FOXP2: variants seen among roughly 807,000 people sequenced by gnomAD.
The protein encoded by FOXP2 is forkhead box protein P2.
FOXP2 carries 12 observed loss-of-function variants against 115.8 expected under a neutral mutation model. That is an observed-to-expected ratio of 0.10 (90% CI 0.07 to 0.17). The LOEUF (loss-of-function observed/expected upper bound fraction) is 0.17, where lower values mean the gene tolerates loss of function less well. Ranked by LOEUF, FOXP2 falls within the 10% of genes least tolerant of loss-of-function variation. The pLI is 1.00. For synonymous variants in FOXP2, 328 were observed against 297.7 expected, an observed-to-expected ratio of 1.10 and a Z score of -1.05; for missense variants, 629 against 843.5, an observed-to-expected ratio of 0.75 and a Z score of 3.15.
At chr7:114,598,522 T>C (rs1802844739) in intron 3 of FOXP2, among the ~76,000 whole-genome samples, 1 of 152,130 alleles carries the variant, frequency 6.6e-6, no homozygotes, top group Non-Finnish European at 1.5e-5. Context: ...TTGATTTTTT[T>C]TTCTATGTTA....
intron 1 of FOXP2, among the ~76,000 whole-genome samples, chr7:114,128,659 T>A (rs532412744): frequency 1.4e-4 from 22 of 152,142 alleles, no homozygotes; most frequent in Non-Finnish European, 2.8e-4. Context: ...ATTTAGTCTC[T>A]TATCTTTATG....
chr7:114,158,162 A>G (rs899131125), upstream of FOXP2, among the ~76,000 whole-genome samples: 1 of 152,090 alleles, frequency 6.6e-6, no homozygotes, highest in African/African-American at 2.4e-5. Context: ...AATAGCAAAT[A>G]TTTTGTCAAA....
At chr7:114,357,707 A>G (rs1791649059) in intron 2 of FOXP2, among the ~76,000 whole-genome samples, 2 of 152,264 alleles carry the variant, frequency 1.3e-5, no homozygotes, top group East Asian at 1.9e-4. Flanking sequence ...ATTAGTTGTC[A>G]AATACTTTAA....
intron 1 of FOXP2, among the ~76,000 whole-genome samples, chr7:114,204,665 G>A (rs2129160311): frequency 6.6e-6 from 1 of 152,202 alleles, no homozygotes; most frequent in South Asian, 2.1e-4. Flanking sequence ...CAATATTCTT[G>A]CCTATCAAAA....
chr7:114,682,616 C>A (rs1808148098), intron 16 of FOXP2, among the ~76,000 whole-genome samples: 1 of 152,032 alleles, frequency 6.6e-6, no homozygotes, highest in African/African-American at 2.4e-5. Flanking sequence ...TCCACTTTTT[C>A]TTTTGGAAAT....
intron 1 of FOXP2, among the ~76,000 whole-genome samples, chr7:114,147,841 AGATTGG>A (rs1351536658): frequency 6.6e-6 from 1 of 152,162 alleles, no homozygotes; most frequent in Non-Finnish European, 1.5e-5. Context: ...GTGGAAACCC[AGATTGG>A]GAAGGGGAGG....
chr7:114,616,127 G>T (rs979237578), intron 3 of FOXP2, among the ~76,000 whole-genome samples: 1 of 151,934 alleles, frequency 6.6e-6, no homozygotes, highest in Non-Finnish European at 1.5e-5. Context: ...TATGTATCTT[G>T]AACACAACAG....
At chr7:114,317,294 T>C (rs79910706) in intron 2 of FOXP2, among the ~76,000 whole-genome samples, 5,911 of 152,230 alleles carry the variant, frequency 0.039, 278 homozygotes, top group African/African-American at 0.12. Flanking sequence ...AGTGGATATG[T>C]TTGAATATAA....
intron 3 of FOXP2, among the ~76,000 whole-genome samples, chr7:114,626,995 A>G (rs747724918): frequency 1.2e-4 from 18 of 151,950 alleles, no homozygotes; most frequent in Admixed American, 5.2e-4. Context: ...TAATGTTTCA[A>G]GTTACTCAAT....
intron 10 of FOXP2, among the ~76,000 whole-genome samples, chr7:114,655,720 A>G (rs1806550891): frequency 6.6e-6 from 1 of 152,192 alleles, no homozygotes; most frequent in African/African-American, 2.4e-5. Context: ...ATAAATATTA[A>G]TAGCATGAAT....
rs1807005996 is a variant in FOXP2, at chr7:114,663,623, T to A, written c.1839+104T>A. The A allele has an allele frequency of 3.3e-6, 3 of 897,350 alleles. No individual in the cohort carries two copies. The African/African-American group carries it at 5.0e-5, about 15-fold the overall frequency. 55.6% of individuals were successfully genotyped at this position (897,350 alleles called of 1,614,324 possible). On this transcript the variant is annotated intron_variant, in intron 15 of 16. Coordinates refer to ENST00000350908, the MANE Select transcript of FOXP2 (RefSeq NM_014491.4). ...TGAGATTGTGATTGTTCTTAATAGT[T>A]GGTTTATCATCCAAGTTGTAGTACC...
chr7:114,401,673 T>A (rs1161709776), intron 2 of FOXP2, among the ~76,000 whole-genome samples: 1 of 152,216 alleles, frequency 6.6e-6, no homozygotes, highest in African/African-American at 2.4e-5. Context: ...CTCTCTATAC[T>A]GTGCTGATCT....
At chr7:114,586,275 G>A (rs1802125232) in intron 3 of FOXP2, among the ~76,000 whole-genome samples, 2 of 152,154 alleles carry the variant, frequency 1.3e-5, no homozygotes, top group South Asian at 4.1e-4. Context: ...TGGAGATTAA[G>A]TTTTATACTT....
intron 1 of FOXP2, among the ~76,000 whole-genome samples, chr7:114,130,900 T>G (rs1791856540): frequency 6.6e-6 from 1 of 152,196 alleles, no homozygotes; most frequent in Non-Finnish European, 1.5e-5. Context: ...TCTACTACAT[T>G]TTATCATAAT....
chr7:114,286,051 C>A (rs1032290214), intron 1 of FOXP2, among the ~76,000 whole-genome samples: 1 of 151,698 alleles, frequency 6.6e-6, no homozygotes, highest in Non-Finnish European at 1.5e-5. Context: ...TTAATAACTT[C>A]TTTAATCTCT....
intron 2 of FOXP2, among the ~76,000 whole-genome samples, chr7:114,471,460 T>C (rs1332195524): frequency 6.6e-6 from 1 of 152,208 alleles, no homozygotes; most frequent in African/African-American, 2.4e-5. Flanking sequence ...GTCCATCTAT[T>C]TTTTAAGTCT....
intron 2 of FOXP2, among the ~76,000 whole-genome samples, chr7:114,382,793 G>A (rs1050808113): frequency 3.9e-5 from 6 of 152,172 alleles, no homozygotes; most frequent in Admixed American, 2.6e-4. Context: ...GTAGAGTCAG[G>A]TGACAGGGAG....
intron 2 of FOXP2, among the ~76,000 whole-genome samples, chr7:114,476,683 G>A (rs997147499): frequency 4.6e-5 from 7 of 151,902 alleles, no homozygotes; most frequent in Admixed American, 2.0e-4. Context: ...GATAGGAATA[G>A]TGTTGAATCT....
chr7:114,586,317 A>G (rs983792741), intron 3 of FOXP2, among the ~76,000 whole-genome samples: 1 of 152,126 alleles, frequency 6.6e-6, no homozygotes, highest in African/African-American at 2.4e-5. Flanking sequence ...AATGTCTCTG[A>G]TACTCCTTTT....
Sources: allele counts gnomAD v4.1 joint callset (sites outside exome capture counted in the v4.1 genomes callset), GRCh38; gene constraint gnomAD v4.1.1; transcripts MANE v1.5; gene names NCBI Gene and HGNC (gene_info 2026-07-23, HGNC 2026-07-21).